The following UNC13C variants were observed in gnomAD, a reference collection of about 807,000 sequenced individuals.
UNC13C encodes unc-13 homolog C.
A neutral mutation model predicts 245.4 loss-of-function variants in UNC13C; 174 were observed. The ratio of observed to expected loss-of-function variants is 0.71; its 90% confidence interval spans 0.63 to 0.80. The LOEUF (loss-of-function observed/expected upper bound fraction) is 0.80, where lower values mean the gene tolerates loss of function less well. Ranked by LOEUF, UNC13C falls within the 30% of genes least tolerant of loss-of-function variation. The pLI is 0.00. For synonymous variants in UNC13C, 992 were observed against 895.1 expected (o/e 1.11, Z -1.93); for missense variants, 2,829 against 2,602.9 (o/e 1.09, Z -1.89).
intron 2 of UNC13C, among the ~76,000 whole-genome samples, chr15:54,056,147 A>G (rs1897508844): frequency 6.6e-6 from 1 of 152,202 alleles, no homozygotes; most frequent in Non-Finnish European, 1.5e-5. Context: ...AGGCTTCAGA[A>G]GCTCAAACTA....
chr15:54,357,050 T>A (rs1020440216), intron 17 of UNC13C, among the ~76,000 whole-genome samples: 1 of 152,112 alleles, frequency 6.6e-6, no homozygotes, highest in Non-Finnish European at 1.5e-5. Context: ...TTAGTTTTTT[T>A]TGAAGTTTAC....
At chr15:54,326,756 C>G (rs1432262778) in intron 14 of UNC13C, among the ~76,000 whole-genome samples, 1 of 151,926 alleles carries the variant, frequency 6.6e-6, no homozygotes, top group African/African-American at 2.4e-5. Flanking sequence ...AGGGAAGTCT[C>G]AGGTCCAAAA....
chr15:54,381,939 C>T (rs997201521), intron 17 of UNC13C, among the ~76,000 whole-genome samples: 5 of 152,158 alleles, frequency 3.3e-5, no homozygotes, highest in African/African-American at 9.7e-5. Context: ...TATCCAACAA[C>T]TACATATTCT....
In UNC13C at chr15:54,395,782, T is replaced by G. The variant is rs1467061553; in HGVS notation, c.4847+2601T>G. 2.6e-5 allele frequency among the ~76,000 whole-genome samples: 4 copies of G among 151,808 alleles called. No individual in the cohort carries two copies. In the East Asian group the frequency reaches 7.7e-4, roughly 29 times the overall value. ...ACAAGTTTACAGTGACGGTAGACTA[T>G]AAGCATGAGGGAAAAGACTTGTATT... is the stretch of plus-strand genomic sequence containing the variant. On this transcript the variant is annotated intron_variant, in intron 18 of 32. Transcript: ENST00000260323.
intron 18 of UNC13C, among the ~76,000 whole-genome samples, chr15:54,405,808 A>G (rs1596332318): frequency 6.6e-6 from 1 of 152,172 alleles, no homozygotes; most frequent in Admixed American, 6.5e-5. Context: ...CAAGGCAGAA[A>G]ATAATAAAGA....
At chr15:53,997,624 T>A (rs1472092407) in intron 1 of UNC13C, among the ~76,000 whole-genome samples, 1 of 152,150 alleles carries the variant, frequency 6.6e-6, no homozygotes, top group Non-Finnish European at 1.5e-5. Context: ...ATATCCTAAT[T>A]GAATTTTTTG....
intron 29 of UNC13C, among the ~76,000 whole-genome samples, chr15:54,559,057 T>A (rs1191188446): frequency 1.3e-5 from 2 of 152,028 alleles, no homozygotes; most frequent in African/African-American, 4.8e-5. Flanking sequence ...GGCCTGAACA[T>A]GACACTACAT....
intron 17 of UNC13C, among the ~76,000 whole-genome samples, chr15:54,361,001 T>G (rs1170241346): frequency 6.6e-6 from 1 of 152,184 alleles, no homozygotes; most frequent in African/African-American, 2.4e-5. Context: ...TGCTGTCATC[T>G]TTCTCCAGAT....
intron 2 of UNC13C, among the ~76,000 whole-genome samples, chr15:54,131,544 T>G (rs77828030): frequency 0.019 from 2,859 of 152,292 alleles, 70 homozygotes; most frequent in East Asian, 0.093. Context: ...TGAATTCTGC[T>G]TTGTCCTTCC....
At chr15:54,350,099 C>A (rs1264005293) in intron 17 of UNC13C, among the ~76,000 whole-genome samples, 2 of 152,036 alleles carry the variant, frequency 1.3e-5, no homozygotes, top group Non-Finnish European at 2.9e-5. Context: ...TCACGCCAGT[C>A]TCCTGTCTCA....
chr15:54,341,635 A>G (rs1395942510), intron 17 of UNC13C, among the ~76,000 whole-genome samples: 2 of 152,176 alleles, frequency 1.3e-5, no homozygotes, highest in Admixed American at 6.5e-5. Flanking sequence ...CAAATCAAAC[A>G]TGTATATGCT....
the UNC13C span, among the ~76,000 whole-genome samples, chr15:53,899,603 A>G: frequency 6.6e-6 from 1 of 151,880 alleles, no homozygotes; most frequent in Non-Finnish European, 1.5e-5. Flanking sequence ...TTTTTTTTAG[A>G]CGGAGTTTCA....
At chr15:54,012,556 T>C (rs758049911) in intron 1 of UNC13C, among the ~76,000 whole-genome samples, 92 bp from the exon 2 acceptor site, 6 of 152,234 alleles carry the variant, frequency 3.9e-5, no homozygotes, top group Non-Finnish European at 7.3e-5. Context: ...TTTTCACACA[T>C]TGTGTATTAT....
intron 17 of UNC13C, among the ~76,000 whole-genome samples, chr15:54,366,535 T>C (rs1203523826): frequency 5.9e-5 from 9 of 152,164 alleles, no homozygotes; most frequent in Admixed American, 5.9e-4. Flanking sequence ...CTGTAGTTTT[T>C]TGTTATTTTT....
rs1566905887 is a variant in UNC13C, at chr15:54,553,214, T to TATATTATATACTGTATTCTATATTACAAC, written c.5878-2214_5878-2213insTATATACTGTATTCTATATTACAACATAT. 1.5e-3 allele frequency among the ~76,000 whole-genome samples: 166 copies of TATATTATATACTGTATTCTATATTACAAC among 107,254 alleles called. 10 individuals carry two copies. The highest frequency in any genetic ancestry group is 6.8e-3 in the African/African-American group (158 of 23,188). The allele number at this position is 107,254 out of a possible 152,430, so 70.4% of individuals were successfully genotyped here. ...TTATATACTGTATTCTATATTACAA[T>TATATTATATACTGTATTCTATATTACAAC]ATATATTATATATTGTATTCTATAT... On this transcript the variant is annotated intron_variant, in intron 28 of 32. Coordinates refer to ENST00000260323, the MANE Select transcript of UNC13C (RefSeq NM_001080534.3).
intron 19 of UNC13C, among the ~76,000 whole-genome samples, chr15:54,428,239 A>G (rs1055862105): frequency 3.3e-5 from 5 of 151,680 alleles, no homozygotes; most frequent in African/African-American, 1.2e-4. Flanking sequence ...TCTTCTGTTC[A>G]TGACCCTTGT....
chr15:54,468,631 G>T (rs994361924), intron 19 of UNC13C, among the ~76,000 whole-genome samples: 1 of 151,604 alleles, frequency 6.6e-6, no homozygotes, highest in South Asian at 2.1e-4. Flanking sequence ...TGTATAAGGG[G>T]TGAGTTAAGG....
chr15:54,461,062 T>C (rs1036000734), intron 19 of UNC13C, among the ~76,000 whole-genome samples: 2 of 152,142 alleles, frequency 1.3e-5, no homozygotes, highest in African/African-American at 4.8e-5. Flanking sequence ...TCAATCAGTA[T>C]GTTTGAATTT....
intron 4 of UNC13C, among the ~76,000 whole-genome samples, chr15:54,218,521 A>G (rs1252659359): frequency 1.3e-5 from 2 of 151,986 alleles, no homozygotes; most frequent in African/African-American, 2.4e-5. Flanking sequence ...ATGCCTCCCA[A>G]AAACCTACAA....
Sources: allele counts gnomAD v4.1 joint callset (sites outside exome capture counted in the v4.1 genomes callset), GRCh38; gene constraint gnomAD v4.1.1; transcripts MANE v1.5; gene names NCBI Gene and HGNC (gene_info 2026-07-23, HGNC 2026-07-21).